Variants in STON2 observed in about 807,000 individuals in gnomAD.
STON2 encodes stonin 2.
STON2 carries 29 observed loss-of-function variants against 65.7 expected under a neutral mutation model. The ratio of observed to expected loss-of-function variants is 0.44; its 90% CI spans 0.33 to 0.60. STON2 has a LOEUF of 0.60. Among genes scored for constraint, STON2 ranks in the 20% least tolerant of loss-of-function variants. The pLI, the probability that STON2 is intolerant of heterozygous loss-of-function variation, is 0.03. For missense variants in STON2, 1,054 were observed against 1,118.1 expected (o/e 0.94, Z 0.82); for synonymous variants, 404 against 414.2 (o/e 0.98, Z 0.30).
At chr14:81,356,567 A>G (rs1898243249) in intron 4 of STON2, among the ~76,000 whole-genome samples, 1 of 152,178 alleles carries the variant, frequency 6.6e-6, no homozygotes, top group South Asian at 2.1e-4. Context: ...TGATTGGAAT[A>G]GTTTCAGAAG....
Position 81,381,739 on chromosome 14 carries a change from A to G in STON2, c.374-10554T>C, listed in dbSNP as rs532477767. On this transcript the variant is annotated intron_variant, in intron 3 of 7. Transcript: ENST00000614646. ...TACAGCTGGTAGGATAGTAACTAGA[A>G]ACCACTTTAGAAAATGGCTTGTTGT... 3.3e-5 allele frequency among the ~76,000 whole-genome samples: 5 copies of G among 152,326 alleles called. No homozygotes were observed. The South Asian group carries it at 1.0e-3, about 32-fold the overall frequency.
rs993981942 is a variant in STON2, at chr14:81,265,817, G to A, written c.*2597C>T. On this transcript the variant is annotated 3_prime_UTR_variant, in exon 8 of 8. Transcript: ENST00000614646. Reference sequence around the variant, plus strand: ...GAAATGAGAATTTACCATGGGGGGCGGGGAAATAAGCTCCAACAAGCAATC... The same window carrying A: ...GAAATGAGAATTTACCATGGGGGGCAGGGAAATAAGCTCCAACAAGCAATC... 25 of 985,062 alleles carry A rather than the reference G, an allele frequency of 2.5e-5. No homozygotes were observed. In the East Asian group the frequency reaches 7.9e-4, roughly 31 times the overall value. The allele number at this position is 985,062 out of a possible 1,614,324, so 61.0% of individuals were successfully genotyped here. A position where few individuals can be genotyped will look rare whatever the true frequency, so the allele number is the denominator to read the frequency against.
intron 4 of STON2, among the ~76,000 whole-genome samples, 62 bp from the exon 5 acceptor site, chr14:81,324,249 G>C (rs999086853): frequency 6.6e-6 from 1 of 152,182 alleles, no homozygotes; most frequent in African/African-American, 2.4e-5. Flanking sequence ...CTTCTCTGGC[G>C]GGCAGACACA....
At chr14:81,380,535 C>A (rs927031835) in intron 3 of STON2, among the ~76,000 whole-genome samples, 2 of 152,130 alleles carry the variant, frequency 1.3e-5, no homozygotes, top group Non-Finnish European at 2.9e-5. Flanking sequence ...ATGTTCCTTG[C>A]AGCACTATTC....
intron 5 of STON2, among the ~76,000 whole-genome samples, chr14:81,311,088 C>T (rs530758103): frequency 3.9e-5 from 6 of 152,154 alleles, no homozygotes; most frequent in South Asian, 2.1e-4. Flanking sequence ...TTGGAGAAGA[C>T]GGGAAAGTAA....
At position 81,265,516 on chromosome 14, in the gene STON2, A is replaced by G. The variant is rs924510643; in HGVS notation, c.*2898T>C. On this transcript the variant is annotated 3_prime_UTR_variant, in exon 8 of 8. Transcript: ENST00000614646. ...CTAAAAATACATAAATTAGTGGTGC[A>G]TGGTGGCAGGCGCCTGTAATCCCAG... The G allele has an allele frequency of 1.3e-5, 4 of 309,080 alleles. No individual in the cohort carries two copies. Among genetic ancestry groups the G allele is most frequent in the Non-Finnish European group, 1.9e-5 (4 of 211,900 alleles). The allele number at this position is 309,080 out of a possible 1,614,324, so 19.1% of individuals were successfully genotyped here. A position where few individuals can be genotyped will look rare whatever the true frequency, so the allele number is the denominator to read the frequency against.
intron 5 of STON2, chr14:81,323,367 C>T (rs1401898834): frequency 6.6e-6 from 1 of 152,228 alleles, no homozygotes; most frequent in Non-Finnish European, 1.5e-5. Flanking sequence ...GAATTCTCAA[C>T]ACACTATACA....
At chr14:81,320,279 C>CA (rs1896774530) in intron 5 of STON2, among the ~76,000 whole-genome samples, 1 of 150,690 alleles carries the variant, frequency 6.6e-6, no homozygotes, top group Non-Finnish European at 1.5e-5. Flanking sequence ...GACATACCCA[C>CA]ACACCTTCAC....
chr14:81,412,742 A>T (rs1349216725), intron 2 of STON2, among the ~76,000 whole-genome samples: 1 of 140,026 alleles, frequency 7.1e-6, no homozygotes, highest in Non-Finnish European at 1.5e-5. Context: ...TATAGTTGTA[A>T]TTTAACAGAA....
chr14:81,264,588 A>C lies in STON2; in HGVS notation c.*3826T>G. On this transcript the variant is annotated 3_prime_UTR_variant, in exon 8 of 8. Transcript: ENST00000614646. Reference sequence around the variant, plus strand: ...CATGGATCCCATTTATCAGAAACATAAGTTTCTAGGGAAATAAACTCTTAC... The same window carrying C: ...CATGGATCCCATTTATCAGAAACATCAGTTTCTAGGGAAATAAACTCTTAC... 1 of 984,992 alleles carries C rather than the reference A, an allele frequency of 1.0e-6. No homozygotes were observed. The highest frequency in any genetic ancestry group is 4.7e-5 in the South Asian group (1 of 21,276). The allele number at this position is 984,992 out of a possible 1,614,324, so 61.0% of individuals were successfully genotyped here.
rs543337366 is a variant in STON2 at position 81,329,780 on chromosome 14, G to A, written c.572-5593C>T. Among the ~76,000 whole-genome samples the A allele has an allele frequency of 7.2e-5, 11 of 152,242 alleles. No homozygotes were observed. In the South Asian group the frequency reaches 1.2e-3, roughly 17 times the overall value. Reference sequence around the variant, plus strand: ...CCGTTTAGTGGGAAAGAGAGAGAAGGGGGTGGGGGAAATCCTAGACAGGAG... The same window carrying A: ...CCGTTTAGTGGGAAAGAGAGAGAAGAGGGTGGGGGAAATCCTAGACAGGAG... On this transcript the variant is annotated intron_variant, in intron 4 of 7. Coordinates refer to ENST00000614646, the MANE Select transcript of STON2 (RefSeq NM_001394390.1).
At chr14:81,279,038 G>A (rs545090950) in intron 5 of STON2, among the ~76,000 whole-genome samples, 2 of 152,200 alleles carry the variant, frequency 1.3e-5, no homozygotes. Flanking sequence ...TTTTATAAAA[G>A]CTTCTGGAAT....
Position 81,262,021 on chromosome 14 carries a change from A to G in STON2, c.*6393T>C. 7.3e-7 allele frequency: 1 copy of G among 1,369,242 alleles called. No homozygotes were observed. Among genetic ancestry groups the G allele is most frequent in the Non-Finnish European group, 9.4e-7 (1 of 1,066,560 alleles). The allele number at this position is 1,369,242 out of a possible 1,614,324, so 84.8% of individuals were successfully genotyped here. A position where few individuals can be genotyped will look rare whatever the true frequency, so the allele number is the denominator to read the frequency against. On this transcript the variant is annotated 3_prime_UTR_variant, in exon 8 of 8. Coordinates refer to ENST00000614646, the MANE Select transcript of STON2 (RefSeq NM_001394390.1). ...GTGATTTTTCCAATCTTCAAAATTT[A>G]AATTTCTTGGTTCTTATAAACATAG...
In STON2 at chr14:81,277,466, G is replaced by A. The variant is rs1034530364; in HGVS notation, c.2016C>T (p.Leu672=). ...CATTCCCTTTGACGAGGATGTCATT[G>A]AGGCCCAGGCGGCACTCTGCGAGCC... ...LSGLAECRLG[L]NDILVKGNEI... The change falls in exon 6 of 8, where the codon CTC becomes CTT. Residue 672 remains leucine, a synonymous_variant. Transcript: ENST00000614646. 6.2e-7 allele frequency: 1 copy of A among 1,614,120 alleles called. No individual in the cohort carries two copies. The highest frequency in any genetic ancestry group is 1.7e-5 in the Admixed American group (1 of 60,014).
Position 81,267,654 on chromosome 14 carries a change from TGAA to T in STON2, c.*757_*759del. On this transcript the variant is annotated 3_prime_UTR_variant, in exon 8 of 8. Transcript: ENST00000614646. Reference sequence around the variant, plus strand: ...TATTTAATGTCTCTTTTCTCCAAAATGAAGAAAACTAAGATTAATTTTGCCTTC... The same window carrying T: ...TATTTAATGTCTCTTTTCTCCAAAATGAAAACTAAGATTAATTTTGCCTTC... 1.0e-6 allele frequency: 1 copy of T among 985,400 alleles called. No homozygotes were observed. The highest frequency in any genetic ancestry group is 1.2e-6 in the Non-Finnish European group (1 of 829,902). 61.0% of individuals were successfully genotyped at this position (985,400 alleles called of 1,614,324 possible).
rs1250855687 is a variant in STON2 at position 81,277,533 on chromosome 14, T to C, written c.1949A>G (p.His650Arg). Residue 650 changes from histidine to arginine, a missense_variant, in exon 6 of 8, where the codon CAC (histidine) becomes CGC (arginine). His to Arg is a conservative substitution (Grantham distance 29). Coordinates refer to ENST00000614646, the MANE Select transcript of STON2 (RefSeq NM_001394390.1). ...GATGTGGATCCGTGTCAAGACATGG[T>C]GCTGGAGAATCTGGTTGTCTCCTTT... ...VSKGDNQILQ[H>R]HVLTRIHILS... 1 of 1,614,160 alleles carries C rather than the reference T, an allele frequency of 6.2e-7. No homozygotes were observed. The highest frequency in any genetic ancestry group is 8.5e-7 in the Non-Finnish European group (1 of 1,180,014).
rs1027737976 is a variant in STON2 at position 81,369,099 on chromosome 14, T to C, written c.571+1889A>G. ...TCCCTGCTTGGTCAAATCTCTGCAG[T>C]GGCTCTGTCCTTTCTGTCGCCATAG... On this transcript the variant is annotated intron_variant, in intron 4 of 7. Transcript: ENST00000614646. 2.6e-5 allele frequency among the ~76,000 whole-genome samples: 4 copies of C among 152,178 alleles called. No individual in the cohort carries two copies. In the East Asian group the frequency reaches 7.7e-4, roughly 29 times the overall value.
At chr14:81,412,967 AC>A in intron 2 of STON2, 1 of 1,022,878 alleles carries the variant, frequency 9.8e-7, no homozygotes, top group Non-Finnish European at 1.5e-6. Flanking sequence ...TCCATGGGTA[AC>A]CATGTGCGAC....
chr14:81,284,708 G>A (rs940903217), intron 5 of STON2, among the ~76,000 whole-genome samples: 5 of 152,046 alleles, frequency 3.3e-5, no homozygotes, highest in African/African-American at 1.2e-4. Flanking sequence ...GCCTTTTACT[G>A]GAAGAAGATG....
Sources: allele counts gnomAD v4.1 joint callset (sites outside exome capture counted in the v4.1 genomes callset), GRCh38; gene constraint gnomAD v4.1.1; transcripts MANE v1.5; gene names NCBI Gene and HGNC (gene_info 2026-07-23, HGNC 2026-07-21).